XRRA1: variants seen among roughly 807,000 people sequenced by gnomAD.
XRRA1 encodes the protein X-ray radiation resistance associated 1.
XRRA1 carries 69 observed loss-of-function variants against 80.2 expected under a neutral mutation model. The observed-to-expected ratio is 0.86, with a 90% CI of 0.71 to 1.05. The LOEUF is 1.05. XRRA1 is among the 50% of genes least tolerant of loss of function. The probability of loss-of-function intolerance (pLI) is 0.00; values close to 1 mark genes in which losing one functional copy is unlikely to be tolerated. For synonymous variants in XRRA1, 348 were observed against 389.9 expected (o/e 0.89, Z 1.27); for missense variants, 967 against 976.4 (o/e 0.99, Z 0.13).
intron 12 of XRRA1, among the ~76,000 whole-genome samples, chr11:74,857,079 G>C (rs970979036): frequency 6.6e-6 from 1 of 152,066 alleles, no homozygotes; most frequent in Non-Finnish European, 1.5e-5. Context: ...TACTTAGCAA[G>C]CACTAAGTAG....
At position 74,885,444 on chromosome 11, in the gene XRRA1, C is replaced by T. The variant is rs562200922; in HGVS notation, c.1003+20795G>A. On this transcript the variant is annotated intron_variant, in intron 10 of 18. Coordinates refer to ENST00000684022, the MANE Select transcript of XRRA1 (RefSeq NM_001378157.1). The stretch of plus-strand genomic sequence containing the variant: ...TTACAAAAAACATCAGAGACTACTA[C>T]GAACATACGAGGTATAAAACCTAGA... Among the ~76,000 whole-genome samples the T allele has an allele frequency of 4.8e-4, 73 of 152,134 alleles. No individual in the cohort carries two copies. In the South Asian group the frequency reaches 1.0e-2, roughly 21 times the overall value.
rs1427833869 is a variant in XRRA1, at chr11:74,907,152, G to A, written c.778C>T (p.Leu260Phe). ...NPSCFASLAG[L>F]RRLKKLSLDE... The stretch of plus-strand genomic sequence containing the variant: ...AAAGGCTTATGGCTTTACCTCCTGA[G>A]CCCAGCCAGGCTGGCAAAGCAACTG... The change falls in exon 9 of 19, where the codon CTC (leucine) becomes TTC (phenylalanine). Residue 260 changes from leucine (L) to phenylalanine (F), a missense_variant. Physicochemically the swap from Leu to Phe is conservative, Grantham distance 22 (BLOSUM62 0). Transcript: ENST00000684022. 1 of 1,613,722 alleles carries A rather than the reference G, an allele frequency of 6.2e-7. No homozygotes were observed. The highest frequency in any genetic ancestry group is 2.2e-5 in the East Asian group (1 of 44,886).
chr11:74,844,581 G>A (rs1457919420), intron 16 of XRRA1, among the ~76,000 whole-genome samples: 1 of 152,180 alleles, frequency 6.6e-6, no homozygotes, highest in African/African-American at 2.4e-5. Context: ...AACCTCAGGG[G>A]GTTATATCGC....
intron 10 of XRRA1, among the ~76,000 whole-genome samples, chr11:74,877,257 A>G (rs79192265): frequency 0.021 from 3,228 of 152,262 alleles, 107 homozygotes; most frequent in African/African-American, 0.074. Context: ...CAGGCCTACA[A>G]TTATCTTCTA....
chr11:74,891,120 A>C (rs1052772869), intron 10 of XRRA1, among the ~76,000 whole-genome samples: 1 of 152,234 alleles, frequency 6.6e-6, no homozygotes, highest in Non-Finnish European at 1.5e-5. Context: ...TTTTAGACCA[A>C]TATCCCTGAT....
intron 10 of XRRA1, among the ~76,000 whole-genome samples, chr11:74,883,751 G>C (rs1414658752): frequency 4.6e-5 from 7 of 152,180 alleles, no homozygotes; most frequent in Non-Finnish European, 8.8e-5. Flanking sequence ...TAGCCAGAAA[G>C]AGTTGTCCTC....
intron 8 of XRRA1, chr11:74,919,512 G>A (rs150566073): frequency 7.3e-5 from 22 of 300,260 alleles, no homozygotes; most frequent in African/African-American, 5.0e-4. Context: ...CCTTGAGTGG[G>A]TTTTGTATTT....
chr11:74,865,935 C>G (rs111651547), intron 10 of XRRA1, among the ~76,000 whole-genome samples: 2 of 152,324 alleles, frequency 1.3e-5, no homozygotes, highest in African/African-American at 4.8e-5. Flanking sequence ...TTTAGACCAT[C>G]GCTCAGTGCT....
At chr11:74,880,603 C>G (rs1265894885) in intron 10 of XRRA1, among the ~76,000 whole-genome samples, 11 of 150,576 alleles carry the variant, frequency 7.3e-5, no homozygotes, top group South Asian at 2.1e-4. Flanking sequence ...GCATTTAGTG[C>G]TATAAATTTC....
At chr11:74,851,778 C>T (rs1308259059) in intron 13 of XRRA1, among the ~76,000 whole-genome samples, 1 of 152,252 alleles carries the variant, frequency 6.6e-6, no homozygotes, top group Non-Finnish European at 1.5e-5. Context: ...GTTTCTACCA[C>T]TGTCCGTGGG....
At chr11:74,899,555 A>G (rs1416708367) in intron 10 of XRRA1, among the ~76,000 whole-genome samples, 1 of 152,204 alleles carries the variant, frequency 6.6e-6, no homozygotes, top group Non-Finnish European at 1.5e-5. Flanking sequence ...AAATAAAATC[A>G]GAGATAAAAA....
At chr11:74,921,056 G>C (rs111244312) in intron 8 of XRRA1, among the ~76,000 whole-genome samples, 158 bp downstream of exon 8, 55 of 152,280 alleles carry the variant, frequency 3.6e-4, no homozygotes, top group African/African-American at 1.2e-3. Context: ...GAAATTGGGG[G>C]CGTGTGTCTG....
chr11:74,940,644 G>A (rs2139897024), intron 3 of XRRA1, 141 bp downstream of exon 3: 2 of 670,974 alleles, frequency 3.0e-6, no homozygotes, highest in South Asian at 1.8e-5. Flanking sequence ...GTCCCATGGA[G>A]GCTACTAGGA....
Position 74,843,148 on chromosome 11 carries a change from G to A in XRRA1, c.*52C>T, listed in dbSNP as rs951786291. ...GTGCGGTCCAGGGCACAGAGCCCTC[G>A]GGGAGAGCTGGGGCACAGGCCGGGT... On this transcript the variant is annotated 3_prime_UTR_variant, in exon 19 of 19. Transcript: ENST00000684022. 2.8e-5 allele frequency: 43 copies of A among 1,510,314 alleles called. No homozygotes were observed. In the South Asian group the frequency reaches 3.1e-4, roughly 11 times the overall value. The allele number at this position is 1,510,314 out of a possible 1,614,324, so 93.6% of individuals were successfully genotyped here.
At chr11:74,887,608 C>T (rs1373857847) in intron 10 of XRRA1, among the ~76,000 whole-genome samples, 1 of 152,128 alleles carries the variant, frequency 6.6e-6, no homozygotes, top group African/African-American at 2.4e-5. Context: ...CGAGTGTGAG[C>T]CAAAGCAGGG....
chr11:74,858,913 G>C (rs1034918830), intron 12 of XRRA1, among the ~76,000 whole-genome samples: 14 of 152,190 alleles, frequency 9.2e-5, no homozygotes, highest in Admixed American at 3.3e-4. Flanking sequence ...TCTTTCCACA[G>C]CTGTATATCT....
chr11:74,854,967 T>C (rs367988774), intron 12 of XRRA1, among the ~76,000 whole-genome samples: 2 of 152,142 alleles, frequency 1.3e-5, no homozygotes, highest in South Asian at 2.1e-4. Flanking sequence ...GAAGAATCAC[T>C]TGAACCCAGG....
In XRRA1 at chr11:74,851,134, A is replaced by C; in HGVS notation, c.1334T>G (p.Val445Gly). Residue 445 changes from valine to glycine, a missense_variant, in exon 14 of 19, where the codon GTA (valine) becomes GGA (glycine). Coordinates refer to ENST00000684022, the MANE Select transcript of XRRA1 (RefSeq NM_001378157.1). ...LGIHLIRRKI[V>G]KPKHHVLMSR... ...CATCAAAACATGATGCTTAGGCTTT[A>C]CTATCTTCCTTCGAATTAAGTGGAT... 6.2e-7 allele frequency: 1 copy of C among 1,613,140 alleles called. No individual in the cohort carries two copies. Among genetic ancestry groups the C allele is most frequent in the South Asian group, 1.1e-5 (1 of 91,050 alleles).
chr11:74,900,113 C>T (rs748608684), intron 10 of XRRA1, among the ~76,000 whole-genome samples: 103 of 150,844 alleles, frequency 6.8e-4, no homozygotes, highest in Non-Finnish European at 1.3e-3. Context: ...TGCAGTGAGC[C>T]GAGAAACCGC....
Sources: gnomAD v4.1 joint callset for allele counts (sites outside exome capture counted in the v4.1 genomes callset) on GRCh38, gnomAD v4.1.1 for gene constraint, MANE v1.5 for transcripts, NCBI Gene and HGNC (gene_info 2026-07-23, HGNC 2026-07-21) for gene names.